TLCD4: variants seen among roughly 807,000 people sequenced by gnomAD.
TLCD4 encodes the protein TLC domain containing 4.
In TLCD4, 7 loss-of-function variants were observed where a neutral mutation model predicts 24.2. The ratio of observed to expected loss-of-function variants is 0.29; its 90% CI spans 0.16 to 0.54. The LOEUF (loss-of-function observed/expected upper bound fraction) is 0.54, where lower values mean the gene tolerates loss of function less well. TLCD4 is among the 20% of genes least tolerant of loss of function. TLCD4 has a pLI of 0.95. For synonymous variants in TLCD4, 103 were observed against 106.4 expected, an observed-to-expected ratio of 0.97 and a Z score of 0.20; for missense variants, 259 against 313.9, an observed-to-expected ratio of 0.82 and a Z score of 1.32.
intron 1 of TLCD4, among the ~76,000 whole-genome samples, chr1:95,122,757 A>T (rs1375361623): frequency 5.3e-5 from 8 of 152,170 alleles, no homozygotes; most frequent in Admixed American, 4.6e-4. Context: ...TGCATTTATT[A>T]ATTTAACTTT....
At chr1:95,168,425 T>G (rs984283245) in intron 5 of TLCD4, among the ~76,000 whole-genome samples, 2 of 152,156 alleles carry the variant, frequency 1.3e-5, no homozygotes, top group Admixed American at 6.5e-5. Flanking sequence ...GTATCAGTGT[T>G]TGGAGATTCA....
At chr1:95,172,506 T>A (rs1197111423) in intron 5 of TLCD4, among the ~76,000 whole-genome samples, 1 of 152,246 alleles carries the variant, frequency 6.6e-6, no homozygotes, top group Non-Finnish European at 1.5e-5. Context: ...GGTCACCCCC[T>A]GTGCATTCAA....
chr1:95,171,653 A>G (rs1042802464), intron 5 of TLCD4, among the ~76,000 whole-genome samples: 15 of 152,158 alleles, frequency 9.9e-5, no homozygotes, highest in African/African-American at 2.9e-4. Flanking sequence ...ATGGAAATCT[A>G]TGTTATTTTA....
the TLCD4 span, among the ~76,000 whole-genome samples, chr1:95,097,262 T>C: frequency 2.0e-5 from 3 of 152,228 alleles, no homozygotes; most frequent in Non-Finnish European, 4.4e-5. Flanking sequence ...GAATATACAA[T>C]AGATTATTGT....
the TLCD4 span, among the ~76,000 whole-genome samples, chr1:95,104,964 G>A: frequency 1.3e-4 from 19 of 151,576 alleles, no homozygotes; most frequent in East Asian, 3.1e-3. Flanking sequence ...CAAGGCTGCC[G>A]TGCGCCCTGA....
At chr1:95,186,593 G>GGT (rs1271292310) in intron 6 of TLCD4, among the ~76,000 whole-genome samples, 9 of 152,122 alleles carry the variant, frequency 5.9e-5, no homozygotes, top group Admixed American at 5.9e-4. Context: ...GGTTCACTGA[G>GGT]GTATAATATT....
the TLCD4 span, among the ~76,000 whole-genome samples, chr1:95,095,316 C>T: frequency 6.6e-6 from 1 of 152,182 alleles, no homozygotes; most frequent in African/African-American, 2.4e-5. Flanking sequence ...GCTCTGGAGT[C>T]AGACTTTCTA....
intron 1 of TLCD4, among the ~76,000 whole-genome samples, chr1:95,132,587 A>C (rs1489239297): frequency 6.6e-6 from 1 of 152,140 alleles, no homozygotes; most frequent in East Asian, 1.9e-4. Flanking sequence ...GGGTCAGGTT[A>C]TGAGCTTGGT....
chr1:95,114,060 T>G (rs1321164157), upstream of TLCD4, among the ~76,000 whole-genome samples: 1 of 152,122 alleles, frequency 6.6e-6, no homozygotes, highest in Non-Finnish European at 1.5e-5. Context: ...CCTTTTGGTT[T>G]GTTTGTTTGT....
At chr1:95,092,517 G>A in the TLCD4 span, among the ~76,000 whole-genome samples, 6 of 152,108 alleles carry the variant, frequency 3.9e-5, no homozygotes, top group Admixed American at 6.6e-5. Flanking sequence ...TCCACACTGT[G>A]GAAGCTTTGT....
Position 95,124,517 on chromosome 1 carries a change from A to G in TLCD4, c.-12+6900A>G, listed in dbSNP as rs938904125. Among the ~76,000 whole-genome samples the G allele has an allele frequency of 3.3e-5, 5 of 152,178 alleles. No homozygotes were observed. In the East Asian group the frequency reaches 9.6e-4, roughly 29 times the overall value. On this transcript the variant is annotated intron_variant, in intron 1 of 6. Transcript: ENST00000370203. ...CCTAGTGACTTTGCCTTACGATGCCATCTCATATCATGTTGCCCAGTGCTA... is the reference window on the plus strand; with the variant it reads ...CCTAGTGACTTTGCCTTACGATGCCGTCTCATATCATGTTGCCCAGTGCTA...
chr1:95,161,547 T>G (rs548062096), intron 5 of TLCD4, among the ~76,000 whole-genome samples: 1 of 152,304 alleles, frequency 6.6e-6, no homozygotes, highest in East Asian at 1.9e-4. Flanking sequence ...TCTGCTAGCT[T>G]TTGAAGTGTT....
chr1:95,095,796 T>A, the TLCD4 span, among the ~76,000 whole-genome samples: 3 of 152,214 alleles, frequency 2.0e-5, no homozygotes, highest in Admixed American at 1.3e-4. Context: ...AATGATTAAG[T>A]CATGTAGGCT....
At chr1:95,176,240 G>C (rs1438993074) in intron 6 of TLCD4, among the ~76,000 whole-genome samples, 1 of 150,368 alleles carries the variant, frequency 6.7e-6, no homozygotes, top group Non-Finnish European at 1.5e-5. Context: ...CGCCCAGTCT[G>C]GAGTACAGTG....
chr1:95,108,283 T>A, the TLCD4 span, among the ~76,000 whole-genome samples: 1 of 152,232 alleles, frequency 6.6e-6, no homozygotes, highest in Non-Finnish European at 1.5e-5. Context: ...TATTAATCTT[T>A]TATGGCTTTT....
At chr1:95,098,943 C>T in the TLCD4 span, among the ~76,000 whole-genome samples, 2 of 150,198 alleles carry the variant, frequency 1.3e-5, no homozygotes. Flanking sequence ...TGCCTGTAAT[C>T]CCAGCTGCTC....
chr1:95,115,104 A>ATG (rs1303684239), upstream of TLCD4, among the ~76,000 whole-genome samples: 4 of 147,836 alleles, frequency 2.7e-5, no homozygotes, highest in African/African-American at 9.8e-5. Flanking sequence ...ATATATATAT[A>ATG]TAATATATAT....
intron 2 of TLCD4, 120 bp from the exon 3 acceptor site, chr1:95,148,582 C>A: frequency 7.3e-7 from 1 of 1,363,182 alleles, no homozygotes; most frequent in Non-Finnish European, 9.9e-7. Context: ...CTCCGTTATA[C>A]TTCACACCTG....
At chr1:95,105,758 G>A in the TLCD4 span, among the ~76,000 whole-genome samples, 284 of 151,996 alleles carry the variant, frequency 1.9e-3, 2 homozygotes, top group African/African-American at 6.4e-3. Flanking sequence ...AGCCAGACGT[G>A]GTGGCGGGTG....
Sources: gnomAD v4.1 joint callset for allele counts (sites outside exome capture counted in the v4.1 genomes callset) on GRCh38, gnomAD v4.1.1 for gene constraint, MANE v1.5 for transcripts, NCBI Gene and HGNC (gene_info 2026-07-23, HGNC 2026-07-21) for gene names.